Variants in FAM81A observed in about 807,000 individuals in gnomAD.
The protein encoded by FAM81A is protein FAM81A.
FAM81A carries 19 observed loss-of-function variants against 46.7 expected under a neutral mutation model. The ratio of observed to expected loss-of-function variants is 0.41; its 90% CI spans 0.28 to 0.60. The LOEUF (loss-of-function observed/expected upper bound fraction) is 0.60, where lower values mean the gene tolerates loss of function less well. Ranked by LOEUF, FAM81A falls within the 20% of genes least tolerant of loss-of-function variation. The pLI is 0.34. For missense variants in FAM81A, 377 were observed against 453.5 expected, an observed-to-expected ratio of 0.83 and a Z score of 1.53; for synonymous variants, 183 against 152.9, an observed-to-expected ratio of 1.20 and a Z score of -1.45.
intron 6 of FAM81A, 102 bp downstream of exon 6, chr15:59,509,071 G>A: frequency 1.2e-6 from 1 of 867,954 alleles, no homozygotes; most frequent in African/African-American, 1.7e-5. Context: ...TGCACAAATT[G>A]AAAACAATAA....
rs2082328423 is a variant in FAM81A at position 59,521,537 on chromosome 15, T to C, written c.*159T>C. The C allele has an allele frequency of 2.9e-6, 2 of 678,904 alleles. No individual in the cohort carries two copies. The highest frequency in any genetic ancestry group is 1.9e-5 in the African/African-American group (1 of 53,670). The allele number at this position is 678,904 out of a possible 1,614,324, so 42.1% of individuals were successfully genotyped here. On this transcript the variant is annotated 3_prime_UTR_variant, in exon 9 of 9. Coordinates refer to ENST00000288228, the MANE Select transcript of FAM81A (RefSeq NM_152450.3). ...TGGGTCTAAATGTTTACCTTGAGTCTTGAAAATACTCTTTTGTTAAAAGTA... is the reference window on the plus strand; with the variant it reads ...TGGGTCTAAATGTTTACCTTGAGTCCTGAAAATACTCTTTTGTTAAAAGTA...
rs559393610 is a variant in FAM81A at position 59,460,835 on chromosome 15, G to T, written c.294+629G>T. Among the ~76,000 whole-genome samples, 1 of 152,090 alleles carries T rather than the reference G, an allele frequency of 6.6e-6. No individual in the cohort carries two copies. Among genetic ancestry groups the T allele is most frequent in the Non-Finnish European group, 1.5e-5 (1 of 68,010 alleles). ...TTAGGGCTTGGGTTTCCCTCACTACGCAATGTTCATATCTTTCACATGTAA... is the reference window on the plus strand; with the variant it reads ...TTAGGGCTTGGGTTTCCCTCACTACTCAATGTTCATATCTTTCACATGTAA... On this transcript the variant is annotated intron_variant, in intron 3 of 8. Coordinates refer to ENST00000288228, the MANE Select transcript of FAM81A (RefSeq NM_152450.3). The surrounding 1 kb of genome is among the most constrained non-coding windows in gnomAD (Gnocchi z 4.4).
At chr15:59,400,453 C>T (rs1295935572) in intron 1 of FAM81A, among the ~76,000 whole-genome samples, 4 of 152,176 alleles carry the variant, frequency 2.6e-5, no homozygotes, top group African/African-American at 9.7e-5. Context: ...CCCGCACCGG[C>T]TCAGACCCCC....
At position 59,521,660 on chromosome 15, in the gene FAM81A, A is replaced by C. The variant is rs1466313074; in HGVS notation, c.*282A>C. On this transcript the variant is annotated 3_prime_UTR_variant, in exon 9 of 9. Coordinates refer to ENST00000288228, the MANE Select transcript of FAM81A (RefSeq NM_152450.3). ...GGCTTTTATCTTCTTCATTTTACGA[A>C]TGGAAAGACGACAATTTTTCTTCAA... The C allele has an allele frequency of 3.9e-6, 1 of 256,066 alleles. No homozygotes were observed. The highest frequency in any genetic ancestry group is 7.3e-6 in the Non-Finnish European group (1 of 136,814). 15.9% of individuals were successfully genotyped at this position (256,066 alleles called of 1,614,324 possible).
At chr15:59,399,654 G>T (rs2081061803) in intron 1 of FAM81A, among the ~76,000 whole-genome samples, 1 of 152,148 alleles carries the variant, frequency 6.6e-6, no homozygotes, top group African/African-American at 2.4e-5. Context: ...GCTGTGATGG[G>T]GGAACTGAAA....
chr15:59,420,165 G>A (rs1414559209), intron 2 of FAM81A, among the ~76,000 whole-genome samples: 1 of 152,170 alleles, frequency 6.6e-6, no homozygotes, highest in African/African-American at 2.4e-5. Context: ...GTTCCTGCTA[G>A]GAAATTACAA....
chr15:59,502,599 T>C (rs965954490), intron 4 of FAM81A, among the ~76,000 whole-genome samples: 5 of 151,756 alleles, frequency 3.3e-5, no homozygotes, highest in Admixed American at 2.6e-4. Context: ...CTGCAATCTC[T>C]GCCTCCTGGG....
At chr15:59,476,805 A>G (rs1435854551) in intron 3 of FAM81A, among the ~76,000 whole-genome samples, 2 of 151,510 alleles carry the variant, frequency 1.3e-5, no homozygotes, top group Non-Finnish European at 2.9e-5. Context: ...AAATAAATAA[A>G]TTGGGAGAGT....
chr15:59,404,943 A>G (rs2081087682), intron 2 of FAM81A, among the ~76,000 whole-genome samples: 2 of 151,568 alleles, frequency 1.3e-5, no homozygotes, highest in Admixed American at 1.3e-4. Context: ...CTTCCATCTC[A>G]CTCTGTCCCA....
chr15:59,413,314 G>C (rs1167148594), intron 2 of FAM81A, among the ~76,000 whole-genome samples: 1 of 152,006 alleles, frequency 6.6e-6, no homozygotes, highest in African/African-American at 2.4e-5. Context: ...CAGAGTGTGA[G>C]GGCCCAGTCA....
At position 59,483,043 on chromosome 15, in the gene FAM81A, A is replaced by AT. The variant is rs879290904; in HGVS notation, c.295-9214dup. ...TGCAATTCTAAATTCTTTCTGGTGA[A>AT]TTTTTTTTTTTTTTGACGGAGTCTT... On this transcript the variant is annotated intron_variant, in intron 3 of 8. Transcript: ENST00000288228. Among the ~76,000 whole-genome samples the AT allele has an allele frequency of 1.8e-3, 269 of 145,894 alleles. 3 individuals are homozygous for AT. Among genetic ancestry groups the AT allele is most frequent in the Middle Eastern group, 0.011 (3 of 284 alleles).
At chr15:59,505,400 T>A (rs1374579522) in intron 4 of FAM81A, among the ~76,000 whole-genome samples, 1 of 151,586 alleles carries the variant, frequency 6.6e-6, no homozygotes, top group Non-Finnish European at 1.5e-5. Context: ...TAATCCCAGC[T>A]ACTCAGGAGG....
intron 1 of FAM81A, among the ~76,000 whole-genome samples, chr15:59,457,609 C>G (rs1172634526): frequency 6.6e-6 from 1 of 152,186 alleles, no homozygotes; most frequent in Non-Finnish European, 1.5e-5. Context: ...CACTGAAGAA[C>G]TCTTTGGGCA....
intron 2 of FAM81A, among the ~76,000 whole-genome samples, chr15:59,424,009 G>A (rs1295631930): frequency 6.6e-6 from 1 of 152,060 alleles, no homozygotes; most frequent in African/African-American, 2.4e-5. Context: ...TGAAAGCATT[G>A]CCTGTGGTCA....
intron 2 of FAM81A, among the ~76,000 whole-genome samples, chr15:59,433,140 CAAA>C (rs552850890): frequency 0.2 from 7,594 of 37,952 alleles, 202 homozygotes; most frequent in South Asian, 0.26. Flanking sequence ...GACTCCGTCT[CAAA>C]AAAAAAAAAA....
At chr15:59,479,510 CA>C (rs1596509397) in intron 3 of FAM81A, among the ~76,000 whole-genome samples, 1 of 58,230 alleles carries the variant, frequency 1.7e-5, no homozygotes, top group Non-Finnish European at 3.0e-5. Context: ...GACTCTGTCT[CA>C]AAAATAAGAA....
chr15:59,445,788 A>G (rs1477269807), intron 1 of FAM81A, among the ~76,000 whole-genome samples: 1 of 152,098 alleles, frequency 6.6e-6, no homozygotes, highest in Non-Finnish European at 1.5e-5. Flanking sequence ...TTTTAATAAT[A>G]TTTTTTCTCT....
rs142168280 is a variant in FAM81A at position 59,467,118 on chromosome 15, G to T, written c.294+6912G>T. ...CGTTTTGGTTACTGTAGCCTTGTAG[G>T]ATAGTTTGAAGTCAGGTAGCATGAT... On this transcript the variant is annotated intron_variant, in intron 3 of 8. Coordinates refer to ENST00000288228, the MANE Select transcript of FAM81A (RefSeq NM_152450.3). 6.2e-4 allele frequency among the ~76,000 whole-genome samples: 95 copies of T among 152,194 alleles called. No individual in the cohort carries two copies. In the East Asian group the frequency reaches 0.016, roughly 26 times the overall value.
intron 3 of FAM81A, among the ~76,000 whole-genome samples, chr15:59,475,325 A>G (rs1417865475): frequency 6.6e-6 from 1 of 151,972 alleles, no homozygotes; most frequent in Non-Finnish European, 1.5e-5. Context: ...GTATTTTTGT[A>G]GAGACAGGGT....
Sources: allele counts gnomAD v4.1 joint callset (sites outside exome capture counted in the v4.1 genomes callset), GRCh38; gene constraint gnomAD v4.1.1; non-coding constraint Gnocchi (gnomAD v3.1); transcripts MANE v1.5; gene names NCBI Gene and HGNC (gene_info 2026-07-23, HGNC 2026-07-21).